The following CCL5 variants were observed in gnomAD, a reference collection of about 807,000 sequenced individuals.
CCL5 encodes C-C motif chemokine ligand 5.
A neutral mutation model predicts 9.0 loss-of-function variants in CCL5; 5 were observed. That is an observed-to-expected ratio of 0.55 (90% confidence interval 0.29 to 1.16). The LOEUF (loss-of-function observed/expected upper bound fraction) is 1.16, where lower values mean the gene tolerates loss of function less well. Ranked by LOEUF, CCL5 falls within the 50% of genes most tolerant of loss-of-function variation. The probability of loss-of-function intolerance (pLI) is 0.08; values close to 1 mark genes in which losing one functional copy is unlikely to be tolerated. For missense variants in CCL5, 183 were observed against 183.2 expected, an observed-to-expected ratio of 1.00 and a Z score of 0.01; for synonymous variants, 66 against 72.0, an observed-to-expected ratio of 0.92 and a Z score of 0.42.
intron 1 of CCL5, among the ~76,000 whole-genome samples, chr17:35,878,918 C>T (rs2088478349): frequency 1.3e-5 from 2 of 152,142 alleles, no homozygotes; most frequent in Admixed American, 6.5e-5. Context: ...GTCCTGGGTC[C>T]TCTGGCTTCA....
chr17:35,879,245 T>C (rs896062769), intron 1 of CCL5, among the ~76,000 whole-genome samples: 1 of 152,164 alleles, frequency 6.6e-6, no homozygotes, highest in Non-Finnish European at 1.5e-5. Flanking sequence ...ATTTCCTAGC[T>C]GTGTGCCTCC....
At chr17:35,873,732 A>G (rs1205585433) in intron 3 of CCL5, among the ~76,000 whole-genome samples, 4 of 152,258 alleles carry the variant, frequency 2.6e-5, no homozygotes, top group Admixed American at 2.0e-4. Context: ...TCAAAGGATA[A>G]TATGTATGAA....
intron 2 of CCL5, among the ~76,000 whole-genome samples, chr17:35,875,848 C>A (rs1045157005): frequency 1.3e-5 from 2 of 152,160 alleles, no homozygotes; most frequent in African/African-American, 2.4e-5. Context: ...GTTCTCAAAG[C>A]TGCTGCCCTT....
At chr17:35,874,219 C>T (rs1189336579) in intron 3 of CCL5, among the ~76,000 whole-genome samples, 1 of 152,134 alleles carries the variant, frequency 6.6e-6, no homozygotes, top group Non-Finnish European at 1.5e-5. Context: ...TACTTAAGTT[C>T]AAATACTGGA....
intron 1 of CCL5, among the ~76,000 whole-genome samples, chr17:35,879,486 T>G (rs2144035621): frequency 6.6e-6 from 1 of 151,948 alleles, no homozygotes; most frequent in East Asian, 1.9e-4. Context: ...ATACAAAACA[T>G]TAGCAGGGTG....
intron 3 of CCL5, among the ~76,000 whole-genome samples, chr17:35,874,696 C>A (rs551984118): frequency 6.6e-6 from 1 of 151,768 alleles, no homozygotes; most frequent in Non-Finnish European, 1.5e-5. Flanking sequence ...CTGCAACCTT[C>A]GCCTCCCGGG....
chr17:35,878,633 G>C lies in CCL5; in HGVS notation c.83C>G (p.Ser28Trp). The change falls in exon 2 of 4, where the codon TCG becomes TGG. Residue 28 changes from serine to tryptophan, a missense_variant. Physicochemically the swap from Ser to Trp is radical, Grantham distance 177. Coordinates refer to ENST00000651122, the MANE Select transcript of CCL5 (RefSeq NM_001278736.2). The stretch of plus-strand genomic sequence containing the variant: ...GGCAAAGCAGCAGGGTGTGGTGTCC[G>C]AGGAATCTGGAAGAGGAAAGGAAGG... The C allele has an allele frequency of 4.4e-6, 7 of 1,608,594 alleles. No individual in the cohort carries two copies. Among genetic ancestry groups the C allele is most frequent in the Non-Finnish European group, 6.0e-6 (7 of 1,175,900 alleles).
chr17:35,878,665 A>T, intron 1 of CCL5, 26 bp from the exon 2 acceptor site: 2 of 1,408,838 alleles, frequency 1.4e-6, no homozygotes, highest in South Asian at 1.2e-5. Flanking sequence ...AAGGAGGGAG[A>T]CCCTTTTATT....
intron 3 of CCL5, chr17:35,875,458 G>C: frequency 3.0e-6 from 1 of 333,360 alleles, no homozygotes; most frequent in Non-Finnish European, 4.3e-6. Context: ...CTCCCACCCC[G>C]GTGTGCAGAG....
chr17:35,875,714 A>G, intron 2 of CCL5: 1 of 518,676 alleles, frequency 1.9e-6, no homozygotes, highest in Non-Finnish European at 2.5e-6. Flanking sequence ...CCTGCCCCCA[A>G]CCTCCCCGCA....
chr17:35,880,170 G>A (rs2144037703), intron 1 of CCL5, 60 bp downstream of exon 1: 1 of 1,349,526 alleles, frequency 7.4e-7, no homozygotes, highest in East Asian at 2.3e-5. Context: ...ATTGGGATGG[G>A]GTAGGCATTC....
chr17:35,873,389 G>T (rs1013417443), intron 3 of CCL5, among the ~76,000 whole-genome samples: 1 of 151,084 alleles, frequency 6.6e-6, no homozygotes, highest in South Asian at 2.1e-4. Flanking sequence ...GAGTTTCACT[G>T]TGTTAGCCAG....
rs201244295 is a variant in CCL5 at position 35,872,437 on chromosome 17, C to T, written c.298G>A (p.Val100Met). ...CCCATTTCTTCTCTGGGTTGGCACA[C>T]ACTTGGCGGTTCTTTCGGGTGACAA... Residue 100 changes from valine (V) to methionine (M), a missense_variant, in exon 4 of 4, where the codon GTG (valine) becomes ATG (methionine). Coordinates refer to ENST00000651122, the MANE Select transcript of CCL5 (RefSeq NM_001278736.2). 1.3e-4 allele frequency: 206 copies of T among 1,613,916 alleles called. No homozygotes were observed. The highest frequency in any genetic ancestry group is 6.7e-5 in the Admixed American group (4 of 59,976).
intron 3 of CCL5, among the ~76,000 whole-genome samples, chr17:35,873,802 A>C (rs1430770029): frequency 2.6e-5 from 4 of 152,190 alleles, no homozygotes; most frequent in Non-Finnish European, 5.9e-5. Context: ...CTTCTCCTTT[A>C]GGGTGGATGA....
intron 1 of CCL5, among the ~76,000 whole-genome samples, chr17:35,879,419 G>T (rs1256537689): frequency 2.0e-5 from 3 of 152,232 alleles, no homozygotes; most frequent in South Asian, 4.2e-4. Context: ...CGGATCACGA[G>T]GTCAAGAGAT....
intron 3 of CCL5, among the ~76,000 whole-genome samples, chr17:35,873,389 G>A (rs1013417443): frequency 6.6e-6 from 1 of 151,082 alleles, no homozygotes; most frequent in Non-Finnish European, 1.5e-5. Flanking sequence ...GAGTTTCACT[G>A]TGTTAGCCAG....
At chr17:35,879,175 C>CAG (rs1310716461) in intron 1 of CCL5, among the ~76,000 whole-genome samples, 1 of 152,170 alleles carries the variant, frequency 6.6e-6, no homozygotes, top group East Asian at 1.9e-4. Flanking sequence ...CACTTCCCAG[C>CAG]AGAGGAGTAG....
intron 2 of CCL5, chr17:35,875,749 C>T (rs955238935): frequency 1.0e-5 from 3 of 289,748 alleles, no homozygotes; most frequent in Non-Finnish European, 1.0e-5. Flanking sequence ...AGAACAGCCC[C>T]TCCTTGCCAA....
At chr17:35,876,914 CCT>C (rs1252393324) in intron 2 of CCL5, among the ~76,000 whole-genome samples, 1 of 152,058 alleles carries the variant, frequency 6.6e-6, no homozygotes, top group Non-Finnish European at 1.5e-5. Context: ...GAATGTGTTT[CCT>C]CTCTCTTTCC....
Sources: allele counts gnomAD v4.1 joint callset (sites outside exome capture counted in the v4.1 genomes callset), GRCh38; gene constraint gnomAD v4.1.1; transcripts MANE v1.5; gene names NCBI Gene and HGNC (gene_info 2026-07-23, HGNC 2026-07-21).